CADM2: variants seen among roughly 807,000 people sequenced by gnomAD.
CADM2 encodes immunoglobulin superfamily member 4D.
A neutral mutation model predicts 49.8 loss-of-function variants in CADM2; 12 were observed. That is an observed-to-expected ratio of 0.24 (90% CI 0.15 to 0.39). The LOEUF (loss-of-function observed/expected upper bound fraction) is 0.39. Ranked by LOEUF, CADM2 falls within the 10% of genes least tolerant of loss-of-function variation. The pLI, the probability that CADM2 is intolerant of heterozygous loss-of-function variation, is 1.00. For synonymous variants in CADM2, 214 were observed against 175.4 expected (o/e 1.22, Z -1.74); for missense variants, 378 against 492.3 (o/e 0.77, Z 2.20).
intron 1 of CADM2, among the ~76,000 whole-genome samples, chr3:85,415,134 T>G (rs2035855672): frequency 6.6e-6 from 1 of 152,164 alleles, no homozygotes; most frequent in Non-Finnish European, 1.5e-5. Flanking sequence ...TGTATTTAAC[T>G]GTATATATGT....
At chr3:85,701,799 A>G (rs887957951) in intron 1 of CADM2, among the ~76,000 whole-genome samples, 2 of 152,130 alleles carry the variant, frequency 1.3e-5, no homozygotes, top group African/African-American at 4.8e-5. Context: ...TCCTTTGCAT[A>G]TATTGCCACT....
intron 1 of CADM2, among the ~76,000 whole-genome samples, chr3:85,701,379 G>A (rs2066747396): frequency 6.6e-6 from 1 of 152,188 alleles, no homozygotes; most frequent in Admixed American, 6.5e-5. Flanking sequence ...CAGAAGTAAT[G>A]TGGCATCTTC....
intron 1 of CADM2, among the ~76,000 whole-genome samples, chr3:85,165,987 C>T (rs2040461333): frequency 6.6e-6 from 1 of 151,450 alleles, no homozygotes; most frequent in South Asian, 2.1e-4. Flanking sequence ...TATAAAGCCA[C>T]TTTATAATTT....
rs559410897 is a variant in CADM2 at position 85,899,180 on chromosome 3, G to C, written c.529+12853G>C. ...AGGGTTTCGTCATTTTGACCAGGCTGGTCTTGAACTCCTGACCTCAGGTGA... is the reference window on the plus strand; with the variant it reads ...AGGGTTTCGTCATTTTGACCAGGCTCGTCTTGAACTCCTGACCTCAGGTGA... On this transcript the variant is annotated intron_variant, in intron 5 of 9. Coordinates refer to ENST00000383699, the MANE Select transcript of CADM2 (RefSeq NM_001167675.2). Among the ~76,000 whole-genome samples, 20 of 151,238 alleles carry C rather than the reference G, an allele frequency of 1.3e-4. No individual in the cohort carries two copies. The East Asian group carries it at 3.7e-3, about 28-fold the overall frequency.
At chr3:85,009,606 C>T (rs2033890915) in intron 1 of CADM2, among the ~76,000 whole-genome samples, 1 of 152,160 alleles carries the variant, frequency 6.6e-6, no homozygotes, top group Non-Finnish European at 1.5e-5. Flanking sequence ...TGGCTCACCC[C>T]TGTAATCCTA....
chr3:85,734,809 C>A (rs962439405), intron 2 of CADM2, among the ~76,000 whole-genome samples: 1 of 148,176 alleles, frequency 6.7e-6, no homozygotes, highest in Non-Finnish European at 1.5e-5. Context: ...TGCCTTTTTT[C>A]TTTTTAAATA....
intron 8 of CADM2, chr3:85,994,805 G>A (rs1729171938): frequency 6.6e-6 from 1 of 151,992 alleles, no homozygotes; most frequent in Non-Finnish European, 1.5e-5. Context: ...TCCTATATGA[G>A]CATGGTTTGT....
intron 8 of CADM2, chr3:86,014,565 A>G: frequency 6.3e-7 from 1 of 1,595,690 alleles, no homozygotes; most frequent in East Asian, 2.2e-5. Flanking sequence ...CTATAAAGAA[A>G]CACTAAGTGT....
At chr3:85,048,204 G>A (rs1396016120) in intron 1 of CADM2, among the ~76,000 whole-genome samples, 1 of 152,118 alleles carries the variant, frequency 6.6e-6, no homozygotes, top group Non-Finnish European at 1.5e-5. Flanking sequence ...TAGATAGTAG[G>A]AGAGTGATTT....
intron 8 of CADM2, chr3:85,979,080 A>G (rs1727146241): frequency 1.4e-6 from 2 of 1,450,100 alleles, no homozygotes; most frequent in South Asian, 1.2e-5. Flanking sequence ...TCAATAAGTT[A>G]TATGTATTTA....
At chr3:85,989,567 A>C (rs972942340) in intron 8 of CADM2, among the ~76,000 whole-genome samples, 1 of 152,152 alleles carries the variant, frequency 6.6e-6, no homozygotes, top group African/African-American at 2.4e-5. Flanking sequence ...AAACAGGACG[A>C]AAGATGGATT....
chr3:85,877,422 T>C (rs1296028055), intron 3 of CADM2, among the ~76,000 whole-genome samples: 1 of 152,126 alleles, frequency 6.6e-6, no homozygotes, highest in Admixed American at 6.6e-5. Flanking sequence ...ACTGACAATA[T>C]TACAATTCTT....
chr3:85,942,935 G>C (rs555819211), intron 7 of CADM2, among the ~76,000 whole-genome samples: 2 of 152,204 alleles, frequency 1.3e-5, no homozygotes, highest in Non-Finnish European at 2.9e-5. Flanking sequence ...GGTTGAACTA[G>C]TTCACAGTCC....
chr3:85,107,607 CTT>C (rs1360937324), intron 1 of CADM2, among the ~76,000 whole-genome samples: 112 of 147,990 alleles, frequency 7.6e-4, no homozygotes, highest in South Asian at 2.6e-3. Flanking sequence ...CTTTCTCTTT[CTT>C]TTTCTTTCTT....
At chr3:85,995,277 A>T (rs931360672) in intron 8 of CADM2, among the ~76,000 whole-genome samples, 1 of 152,166 alleles carries the variant, frequency 6.6e-6, no homozygotes, top group Non-Finnish European at 1.5e-5. Context: ...AGATTTTGGA[A>T]TGTTCTCTTT....
intron 2 of CADM2, among the ~76,000 whole-genome samples, chr3:85,794,401 T>G (rs2071503615): frequency 6.6e-6 from 1 of 152,156 alleles, no homozygotes. Context: ...TGGTAAACAG[T>G]GTAGCTGATT....
intron 2 of CADM2, chr3:85,800,949 A>C (rs911171650): frequency 6.6e-6 from 1 of 152,232 alleles, no homozygotes; most frequent in East Asian, 1.9e-4. Flanking sequence ...AATCATTACA[A>C]AACTAAAGAA....
chr3:85,037,957 C>A (rs548420946), intron 1 of CADM2, among the ~76,000 whole-genome samples: 7 of 151,648 alleles, frequency 4.6e-5, no homozygotes, highest in African/African-American at 1.7e-4. Flanking sequence ...ATTAGCCTCA[C>A]TGGTGGCCGG....
At chr3:85,116,452 T>A (rs926741722) in intron 1 of CADM2, among the ~76,000 whole-genome samples, 1 of 152,154 alleles carries the variant, frequency 6.6e-6, no homozygotes, top group Admixed American at 6.5e-5. Context: ...AATAATAAGC[T>A]TCAAGTTCCT....
Sources: gnomAD v4.1 joint callset for allele counts (sites outside exome capture counted in the v4.1 genomes callset) on GRCh38, gnomAD v4.1.1 for gene constraint, MANE v1.5 for transcripts, NCBI Gene and HGNC (gene_info 2026-07-23, HGNC 2026-07-21) for gene names.